The following SEC24A variants were observed in gnomAD, a reference collection of about 807,000 sequenced individuals.
SEC24A encodes protein transport protein Sec24A.
SEC24A carries 93 observed loss-of-function variants against 129.4 expected under a neutral mutation model. The observed-to-expected ratio is 0.72, with a 90% confidence interval of 0.61 to 0.85. The LOEUF (loss-of-function observed/expected upper bound fraction) is 0.85, where lower values mean the gene tolerates loss of function less well. Ranked by LOEUF, SEC24A falls within the 40% of genes least tolerant of loss-of-function variation. The probability of loss-of-function intolerance (pLI) is 0.00; values close to 1 mark genes in which losing one functional copy is unlikely to be tolerated. For missense variants in SEC24A, 1,264 were observed against 1,307.4 expected, an observed-to-expected ratio of 0.97 and a Z score of 0.51; for synonymous variants, 460 against 467.3, an observed-to-expected ratio of 0.98 and a Z score of 0.20.
Position 134,696,334 on chromosome 5 carries a change from CTAAG to C in SEC24A, c.1987-785_1987-782del, listed in dbSNP as rs751583607. ...TTACCTCTTAGGGTAGTTGAAAGGA[CTAAG>C]TAAGTATTACATATGAATTGTTTAG... On this transcript the variant is annotated intron_variant, in intron 13 of 22. Transcript: ENST00000398844. 9.9e-5 allele frequency among the ~76,000 whole-genome samples: 15 copies of C among 151,664 alleles called. 1 individual carries two copies. Among genetic ancestry groups the C allele is most frequent in the South Asian group, 8.3e-4 (4 of 4,798 alleles).
In SEC24A at chr5:134,697,864, C is replaced by T. The variant is rs138029875; in HGVS notation, c.2108-35C>T. The T allele has an allele frequency of 4.2e-4, 665 of 1,573,738 alleles. No individual in the cohort carries two copies. In the African/African-American group the frequency reaches 7.9e-3, roughly 19 times the overall value. On this transcript the variant is annotated intron_variant, in intron 14 of 22. Coordinates refer to ENST00000398844, the MANE Select transcript of SEC24A (RefSeq NM_021982.3). ...ACTTTGGTGTAGTAGAAATAGTTAACGGCACAGTTTAAAACAGTGTGTGTT... is the reference window on the plus strand; with the variant it reads ...ACTTTGGTGTAGTAGAAATAGTTAATGGCACAGTTTAAAACAGTGTGTGTT...
intron 1 of SEC24A, among the ~76,000 whole-genome samples, chr5:134,658,127 C>T (rs951091344): frequency 2.6e-5 from 4 of 151,928 alleles, no homozygotes; most frequent in Admixed American, 6.6e-5. Flanking sequence ...AATTAGCCAG[C>T]GTGGTGGTGC....
intron 1 of SEC24A, among the ~76,000 whole-genome samples, chr5:134,651,856 A>G (rs1750065186): frequency 6.6e-6 from 1 of 152,080 alleles, no homozygotes; most frequent in South Asian, 2.1e-4. Context: ...AAGGTGAGAA[A>G]ACGTTTCAAT....
intron 1 of SEC24A, among the ~76,000 whole-genome samples, chr5:134,658,881 C>T (rs894151884): frequency 1.5e-4 from 23 of 152,158 alleles, no homozygotes; most frequent in Non-Finnish European, 2.2e-4. Flanking sequence ...AGATTGACAT[C>T]TTTCCTGGTT....
chr5:134,666,785 G>A, intron 2 of SEC24A, 38 bp from the exon 3 acceptor site: 1 of 1,596,050 alleles, frequency 6.3e-7, no homozygotes, highest in Non-Finnish European at 8.6e-7. Context: ...ATAGTCTTGA[G>A]TTCTCAAGTG....
intron 18 of SEC24A, among the ~76,000 whole-genome samples, chr5:134,710,210 T>G (rs1405479890): frequency 6.7e-6 from 1 of 150,234 alleles, no homozygotes; most frequent in Non-Finnish European, 1.5e-5. Context: ...CTTAATCTTC[T>G]TCTTTTTTTT....
chr5:134,690,995 C>A (rs1324790883), intron 11 of SEC24A, among the ~76,000 whole-genome samples: 2 of 151,496 alleles, frequency 1.3e-5, no homozygotes, highest in Non-Finnish European at 2.9e-5. Context: ...GGATTACAGG[C>A]ATGTGCCATT....
chr5:134,716,525 G>A (rs1049996485), intron 19 of SEC24A, among the ~76,000 whole-genome samples: 3 of 149,936 alleles, frequency 2.0e-5, no homozygotes, highest in South Asian at 2.1e-4. Context: ...TGGGCCAGGC[G>A]CAGTGGCTCA....
At chr5:134,685,336 A>T (rs1751413791) in intron 9 of SEC24A, among the ~76,000 whole-genome samples, 1 of 151,988 alleles carries the variant, frequency 6.6e-6, no homozygotes, top group Non-Finnish European at 1.5e-5. Flanking sequence ...ACTGCACTCC[A>T]GCCTGAGTGA....
chr5:134,720,341 G>A (rs1394684634), intron 20 of SEC24A, among the ~76,000 whole-genome samples: 1 of 152,136 alleles, frequency 6.6e-6, no homozygotes, highest in Admixed American at 6.6e-5. Context: ...GACGTTTGTA[G>A]CCTAGGTACA....
upstream of SEC24A, chr5:134,648,454 G>A (rs570871440): frequency 6.6e-6 from 1 of 152,500 alleles, no homozygotes; most frequent in African/African-American, 2.4e-5. Flanking sequence ...CACAAAACCC[G>A]AGGAGAGGAA....
At chr5:134,717,525 G>T (rs1032000140) in intron 19 of SEC24A, among the ~76,000 whole-genome samples, 2 of 151,938 alleles carry the variant, frequency 1.3e-5, no homozygotes, top group African/African-American at 4.8e-5. Context: ...AAAAGAAAAA[G>T]AAAAAGGAAA....
chr5:134,695,722 T>C (rs1225973772), intron 13 of SEC24A, among the ~76,000 whole-genome samples: 1 of 151,616 alleles, frequency 6.6e-6, no homozygotes, highest in Non-Finnish European at 1.5e-5. Context: ...GAGGTTGCAG[T>C]GAGCTGAGAT....
chr5:134,659,047 T>TTTATTTATTTA, intron 1 of SEC24A, among the ~76,000 whole-genome samples: 1 of 138,766 alleles, frequency 7.2e-6, no homozygotes, highest in Non-Finnish European at 1.5e-5. Flanking sequence ...ACCCATTTAT[T>TTTATTTATTTA]TTTATTTATT....
chr5:134,718,084 A>T lies in SEC24A; in HGVS notation c.2881A>T (p.Ser961Cys). Reference protein sequence around the residue: ...NLSDEGALNISDRTIPQPPIL... With the variant: ...NLSDEGALNICDRTIPQPPIL... The stretch of plus-strand genomic sequence containing the variant: ...AATTCCTCAGGGAGCACTCAACATC[A>T]GTGATAGAACCATACCTCAGCCCCC... The change falls in exon 20 of 23, where the codon AGT (serine) becomes TGT (cysteine). Residue 961 changes from serine (S) to cysteine (C), a missense_variant. Ser to Cys is a moderately radical substitution (Grantham distance 112, BLOSUM62 -1). Transcript: ENST00000398844. 1 of 1,613,860 alleles carries T rather than the reference A, an allele frequency of 6.2e-7. No individual in the cohort carries two copies. The highest frequency in any genetic ancestry group is 8.5e-7 in the Non-Finnish European group (1 of 1,179,766).
chr5:134,684,029 G>T (rs1430347125), intron 9 of SEC24A, among the ~76,000 whole-genome samples: 1 of 152,086 alleles, frequency 6.6e-6, no homozygotes, highest in Non-Finnish European at 1.5e-5. Flanking sequence ...TTTTGGCTGG[G>T]CACAGTGCCT....
chr5:134,705,070 T>TTATATTTATATATATA (rs1554141295), intron 16 of SEC24A, among the ~76,000 whole-genome samples: 1 of 133,350 alleles, frequency 7.5e-6, no homozygotes, highest in African/African-American at 2.8e-5. Flanking sequence ...ATATTTATAT[T>TTATATTTATATATATA]TATATATATA....
intron 1 of SEC24A, among the ~76,000 whole-genome samples, chr5:134,650,331 T>C (rs955276885): frequency 3.3e-5 from 5 of 152,202 alleles, no homozygotes; most frequent in Non-Finnish European, 7.3e-5. Context: ...AAATGTTACA[T>C]GGCTATGGAT....
At chr5:134,655,494 CA>C (rs761506563) in intron 1 of SEC24A, among the ~76,000 whole-genome samples, 1 of 151,878 alleles carries the variant, frequency 6.6e-6, no homozygotes, top group Non-Finnish European at 1.5e-5. Flanking sequence ...ACTAAAAATA[CA>C]AAAATTAGCC....
Sources: allele counts gnomAD v4.1 joint callset (sites outside exome capture counted in the v4.1 genomes callset), GRCh38; gene constraint gnomAD v4.1.1; transcripts MANE v1.5; gene names NCBI Gene and HGNC (gene_info 2026-07-23, HGNC 2026-07-21).